CENPK: variants seen among roughly 807,000 people sequenced by gnomAD.
CENPK encodes SoxLZ/Sox6-binding protein Solt.
Under a neutral mutation model 40.9 loss-of-function variants are expected in CENPK, and 46 were observed. The ratio of observed to expected loss-of-function variants is 1.13; its 90% CI spans 0.89 to 1.44. The LOEUF is 1.44. Ranked by LOEUF, CENPK falls within the 40% of genes most tolerant of loss-of-function variation. The pLI is 0.00. For synonymous variants in CENPK, 107 were observed against 104.4 expected, an observed-to-expected ratio of 1.02 and a Z score of -0.15; for missense variants, 288 against 303.5, an observed-to-expected ratio of 0.95 and a Z score of 0.38.
intron 6 of CENPK, among the ~76,000 whole-genome samples, chr5:65,538,489 ATTTC>A (rs1372174284): frequency 3.9e-5 from 6 of 152,066 alleles, no homozygotes; most frequent in Admixed American, 2.6e-4. Flanking sequence ...TTGATTAGCA[ATTTC>A]TTTAAGTCAT....
chr5:65,505,651 C>T, the CENPK span, among the ~76,000 whole-genome samples: 9 of 152,020 alleles, frequency 5.9e-5, no homozygotes, highest in African/African-American at 1.7e-4. Context: ...AAAAACAAAA[C>T]AAAGCAAAAA....
At chr5:65,549,752 C>T (rs1228397776) in intron 5 of CENPK, among the ~76,000 whole-genome samples, 1 of 152,148 alleles carries the variant, frequency 6.6e-6, no homozygotes, top group Non-Finnish European at 1.5e-5. Flanking sequence ...TTGAAAAGAG[C>T]TAGGGCTTTG....
chr5:65,552,654 C>T (rs1435024027), intron 3 of CENPK, 105 bp from the exon 4 acceptor site: 1 of 562,484 alleles, frequency 1.8e-6, no homozygotes, highest in East Asian at 3.0e-5. Context: ...TTCTAAAGCA[C>T]AAACATCTGA....
chr5:65,499,293 A>G, the CENPK span, among the ~76,000 whole-genome samples: 1 of 150,184 alleles, frequency 6.7e-6, no homozygotes, highest in African/African-American at 2.5e-5. Flanking sequence ...TTTACCAGAT[A>G]TATGATATCT....
chr5:65,497,529 C>CTT, the CENPK span, among the ~76,000 whole-genome samples: 1 of 152,156 alleles, frequency 6.6e-6, no homozygotes, highest in African/African-American at 2.4e-5. Context: ...GAGTCACAGT[C>CTT]TTTTGTAACC....
At chr5:65,549,720 ATC>A (rs2150501631) in intron 5 of CENPK, among the ~76,000 whole-genome samples, 1 of 152,158 alleles carries the variant, frequency 6.6e-6, no homozygotes, top group South Asian at 2.1e-4. Flanking sequence ...CAGCTTCCTC[ATC>A]TCTCTCAGCC....
chr5:65,500,308 C>T, the CENPK span, among the ~76,000 whole-genome samples: 1 of 123,840 alleles, frequency 8.1e-6, no homozygotes, highest in Non-Finnish European at 1.7e-5. Context: ...GTTCCTATTT[C>T]TCCACATCCT....
intron 5 of CENPK, among the ~76,000 whole-genome samples, chr5:65,548,377 A>G (rs752715717): frequency 7.9e-5 from 12 of 152,204 alleles, no homozygotes; most frequent in East Asian, 1.9e-4. Context: ...GTGAGTTGTA[A>G]TGTTTTGCTG....
chr5:65,532,265 A>G (rs1305765123), intron 6 of CENPK, among the ~76,000 whole-genome samples: 1 of 152,170 alleles, frequency 6.6e-6, no homozygotes, highest in East Asian at 1.9e-4. Flanking sequence ...TTTCATCTCT[A>G]AATTTTTATT....
At chr5:65,537,177 CAAAG>C (rs1415604852) in intron 6 of CENPK, among the ~76,000 whole-genome samples, 1 of 152,190 alleles carries the variant, frequency 6.6e-6, no homozygotes, top group African/African-American at 2.4e-5. Context: ...TTAATACAGA[CAAAG>C]AAAAAGGCAC....
At chr5:65,500,989 C>A in the CENPK span, among the ~76,000 whole-genome samples, 1 of 138,626 alleles carries the variant, frequency 7.2e-6, no homozygotes, top group African/African-American at 2.7e-5. Context: ...GTTCTAGCTG[C>A]AACTTTGCTG....
At chr5:65,538,744 T>C (rs1747414124) in intron 6 of CENPK, among the ~76,000 whole-genome samples, 1 of 152,180 alleles carries the variant, frequency 6.6e-6, no homozygotes, top group Admixed American at 6.5e-5. Context: ...CCACCCCTAT[T>C]AACCACCCAA....
intron 5 of CENPK, among the ~76,000 whole-genome samples, chr5:65,544,621 A>T (rs1748568261): frequency 6.6e-6 from 1 of 152,236 alleles, no homozygotes; most frequent in African/African-American, 2.4e-5. Flanking sequence ...TGAAATTATG[A>T]AGCAACCGAA....
the CENPK span, among the ~76,000 whole-genome samples, chr5:65,503,349 C>T: frequency 3.3e-5 from 5 of 152,090 alleles, no homozygotes; most frequent in African/African-American, 7.2e-5. Context: ...TCAAGTGATC[C>T]GCCTGCCTCG....
In CENPK at chr5:65,554,786, T is replaced by G; in HGVS notation, c.111+11A>C. The G allele has an allele frequency of 7.4e-7, 1 of 1,344,754 alleles. No individual in the cohort carries two copies. Among genetic ancestry groups the G allele is most frequent in the African/African-American group, 1.4e-5 (1 of 69,514 alleles). 83.3% of individuals were successfully genotyped at this position (1,344,754 alleles called of 1,614,324 possible). ...TTATATTAACTATCACTTCTATCTT[T>G]TGAAACTTACTTCTTCCATATCTTT... On this transcript the variant is annotated intron_variant, in intron 3 of 10. Transcript: ENST00000396679.
In CENPK at chr5:65,518,214, A is replaced by T. The variant is rs1743059183; in HGVS notation, c.*261T>A. The stretch of plus-strand genomic sequence containing the variant: ...GAATCCAAAGAATATTGCATGAGGT[A>T]AGGTACATTAAATGTTTTATGCCTA... On this transcript the variant is annotated 3_prime_UTR_variant, in exon 11 of 11. Coordinates refer to ENST00000396679, the MANE Select transcript of CENPK (RefSeq NM_022145.5). 6.4e-6 allele frequency: 2 copies of T among 313,970 alleles called. No individual in the cohort carries two copies. The highest frequency in any genetic ancestry group is 5.8e-6 in the Non-Finnish European group (1 of 172,470). 19.4% of individuals were successfully genotyped at this position (313,970 alleles called of 1,614,324 possible).
chr5:65,528,387 T>C (rs1207837078), intron 9 of CENPK, 65 bp downstream of exon 9: 1 of 1,480,552 alleles, frequency 6.8e-7, no homozygotes, highest in Non-Finnish European at 9.1e-7. Flanking sequence ...GAAAATATGC[T>C]TCTAAACCCA....
In CENPK at chr5:65,554,838, G is replaced by C. The variant is rs150574725; in HGVS notation, c.70C>G (p.Leu24Val). 631 of 1,602,876 alleles carry C rather than the reference G, an allele frequency of 3.9e-4. 11 individuals are homozygous for C. The South Asian group carries it at 4.7e-3, about 12-fold the overall frequency. The change falls in exon 3 of 11, where the codon CTT becomes GTT. Residue 24 changes from leucine to valine, a missense_variant. Physicochemically the swap from Leu to Val is conservative, Grantham distance 32. Transcript: ENST00000396679. ...CACATTTCTTCACATTCTCTAATAA[G>C]TTCTTCTTCAGTATTTGTAACATCT... ...VGDVTNTEEE[L>V]IRECEEMWKD...
rs1745288572 is a variant in CENPK, at chr5:65,529,203, GAATAA to G, written c.289-9_289-5del. On this transcript the variant is annotated splice_polypyrimidine_tract_variant and splice_region_variant and intron_variant, in intron 6 of 10. Transcript: ENST00000396679. ...GATCTTGTCTCAGCTTTTGGAACTA[GAATAA>G]AATAATTCAAATTAATTGCTTGGTC... is the stretch of plus-strand genomic sequence containing the variant. 2 of 1,579,654 alleles carry G rather than the reference GAATAA, an allele frequency of 1.3e-6. No individual in the cohort carries two copies. Among genetic ancestry groups the G allele is most frequent in the Non-Finnish European group, 1.7e-6 (2 of 1,154,908 alleles).
Sources: allele counts gnomAD v4.1 joint callset (sites outside exome capture counted in the v4.1 genomes callset), GRCh38; gene constraint gnomAD v4.1.1; transcripts MANE v1.5; gene names NCBI Gene and HGNC (gene_info 2026-07-23, HGNC 2026-07-21).